EGFR: variants seen among roughly 807,000 people sequenced by gnomAD.
EGFR encodes epidermal growth factor receptor, also known as avian erythroblastic leukemia viral (v-erb-b) oncogene homolog.
EGFR carries 58 observed loss-of-function variants against 143.0 expected under a neutral mutation model. That is an observed-to-expected ratio of 0.41 (90% CI 0.33 to 0.50). The LOEUF is 0.50. Ranked by LOEUF, EGFR falls within the 20% of genes least tolerant of loss-of-function variation. The pLI, the probability that EGFR is intolerant of heterozygous loss-of-function variation, is 0.39. For synonymous variants in EGFR, 613 were observed against 594.4 expected, an observed-to-expected ratio of 1.03 and a Z score of -0.45; for missense variants, 1,307 against 1,579.0, an observed-to-expected ratio of 0.83 and a Z score of 2.92.
rs1787904882 is a variant in EGFR, at chr7:55,202,686, C to G, written c.3271+61C>G. ...ACCTCCTCGACCCACTCAGCAGCAG[C>G]CAGTCTCCAGTGTCCAAGCCAGGTG... On this transcript the variant is annotated intron_variant, in intron 27 of 27. Coordinates refer to ENST00000275493, the MANE Select transcript of EGFR (RefSeq NM_005228.5). 2.7e-6 allele frequency: 4 copies of G among 1,478,406 alleles called. No homozygotes were observed. In the Admixed American group the frequency reaches 7.7e-5, roughly 28 times the overall value. 91.6% of individuals were successfully genotyped at this position (1,478,406 alleles called of 1,614,324 possible).
intron 1 of EGFR, among the ~76,000 whole-genome samples, chr7:55,046,609 TTCTGA>T (rs1429233855): frequency 6.6e-6 from 1 of 151,846 alleles, no homozygotes; most frequent in African/African-American, 2.4e-5. Context: ...AAAAACAGCA[TTCTGA>T]GGTCAAACAT....
intron 7 of EGFR, among the ~76,000 whole-genome samples, chr7:55,155,270 C>T (rs1367493269): frequency 6.6e-6 from 1 of 152,114 alleles, no homozygotes; most frequent in Non-Finnish European, 1.5e-5. Context: ...GGTGAAACCT[C>T]GTCTCTACTA....
intron 15 of EGFR, chr7:55,170,389 T>C (rs2128950580): frequency 6.2e-7 from 1 of 1,614,214 alleles, no homozygotes. Context: ...TGGCAGCGTG[T>C]CCCACCAGAG....
intron 1 of EGFR, among the ~76,000 whole-genome samples, chr7:55,124,689 T>G (rs1279467096): frequency 6.6e-6 from 1 of 152,174 alleles, no homozygotes; most frequent in Non-Finnish European, 1.5e-5. Flanking sequence ...GTGCCCTGAT[T>G]TCCTCTACAG....
At chr7:55,099,881 A>T (rs574423263) in intron 1 of EGFR, among the ~76,000 whole-genome samples, 3 of 152,214 alleles carry the variant, frequency 2.0e-5, no homozygotes, top group Non-Finnish European at 4.4e-5. Flanking sequence ...AAACTTTTTA[A>T]TGGAAAAGGA....
chr7:55,110,649 C>A (rs1258843953), intron 1 of EGFR, among the ~76,000 whole-genome samples: 1 of 152,220 alleles, frequency 6.6e-6, no homozygotes, highest in African/African-American at 2.4e-5. Context: ...AAGCAACTTT[C>A]CAGTCTGTGA....
intron 1 of EGFR, among the ~76,000 whole-genome samples, chr7:55,054,209 G>A (rs749420922): frequency 1.3e-5 from 2 of 152,264 alleles, no homozygotes; most frequent in Non-Finnish European, 2.9e-5. Flanking sequence ...TGCACGCTTC[G>A]CTCCCTCTGA....
At chr7:55,148,343 A>T (rs548012762) in intron 4 of EGFR, among the ~76,000 whole-genome samples, 23 of 152,234 alleles carry the variant, frequency 1.5e-4, no homozygotes, top group African/African-American at 5.5e-4. Flanking sequence ...GGCAGCCCAC[A>T]ATGGCAGGTC....
intron 4 of EGFR, 122 bp downstream of exon 4, chr7:55,146,862 A>C (rs1257817386): frequency 1.4e-5 from 20 of 1,380,408 alleles, no homozygotes; most frequent in Non-Finnish European, 1.9e-5. Context: ...AAAAGTAGTA[A>C]GCAAAATATC....
chr7:55,205,371 C>G lies in EGFR; in HGVS notation c.3387C>G (p.His1129Gln), dbSNP rs1788067537. The stretch of plus-strand genomic sequence containing the variant: ...GAGACCCACACTACCAGGACCCCCA[C>G]AGCACTGCAGTGGGCAACCCCGAGT... ...PSRDPHYQDPHSTAVGNPEYL... is the reference protein window; with the variant it reads ...PSRDPHYQDPQSTAVGNPEYL... The change falls in exon 28 of 28, where the codon CAC becomes CAG. Residue 1129 changes from histidine (H) to glutamine (Q), a missense_variant. His to Gln is a conservative substitution (Grantham distance 24). This residue lies in a region of EGFR where 313 missense variants were observed against 312.3 expected (regional missense o/e 1.00). Coordinates refer to ENST00000275493, the MANE Select transcript of EGFR (RefSeq NM_005228.5). 6.2e-7 allele frequency: 1 copy of G among 1,613,952 alleles called. No individual in the cohort carries two copies. Among genetic ancestry groups the G allele is most frequent in the Non-Finnish European group, 8.5e-7 (1 of 1,179,840 alleles).
In EGFR at chr7:55,199,064, C is replaced by T. The variant is rs2293348; in HGVS notation, c.2848+201C>T. 0.26 allele frequency among the ~76,000 whole-genome samples: 39,159 copies of T among 152,192 alleles called. 5,626 individuals carry two copies. Among genetic ancestry groups the T allele is most frequent in the Admixed American group, 0.37 (5,594 of 15,292 alleles). On this transcript the variant is annotated intron_variant, in intron 23 of 27. Coordinates refer to ENST00000275493, the MANE Select transcript of EGFR (RefSeq NM_005228.5). ...TGACTCATTGGGCAGTATGACCTGA[C>T]ATTTGCCCATGTTTGCAAGCAAATA...
At chr7:55,186,123 G>T (rs891406912) in intron 20 of EGFR, among the ~76,000 whole-genome samples, 1 of 152,194 alleles carries the variant, frequency 6.6e-6, no homozygotes, top group Non-Finnish European at 1.5e-5. Flanking sequence ...TAGGTGCCAG[G>T]TCACGAAAAC....
intron 1 of EGFR, among the ~76,000 whole-genome samples, chr7:55,069,059 C>T (rs1789677485): frequency 1.3e-5 from 2 of 152,178 alleles, no homozygotes; most frequent in Admixed American, 1.3e-4. Context: ...AGTCTTCTTA[C>T]AAAGCAGTTT....
At chr7:55,091,062 A>G (rs2128894792) in intron 1 of EGFR, among the ~76,000 whole-genome samples, 1 of 152,324 alleles carries the variant, frequency 6.6e-6, no homozygotes, top group Admixed American at 6.5e-5. Flanking sequence ...GCTGTCCCTG[A>G]GAGGTACCAG....
chr7:55,172,448 AC>A (rs1388596461), intron 16 of EGFR, among the ~76,000 whole-genome samples: 1 of 151,828 alleles, frequency 6.6e-6, no homozygotes, highest in Non-Finnish European at 1.5e-5. Context: ...TTCCTTTATA[AC>A]CCCTTTCAAG....
intron 1 of EGFR, among the ~76,000 whole-genome samples, chr7:55,106,859 T>TA (rs1644745745): frequency 1.3e-5 from 2 of 152,198 alleles, no homozygotes; most frequent in Admixed American, 1.3e-4. Context: ...GAGATCCTGG[T>TA]AAAAATCTAT....
intron 1 of EGFR, among the ~76,000 whole-genome samples, chr7:55,038,408 G>A (rs1194721566): frequency 6.6e-6 from 1 of 152,196 alleles, no homozygotes; most frequent in Non-Finnish European, 1.5e-5. Context: ...GTGGACTAGT[G>A]AGAAGCCAGG....
intron 13 of EGFR, 52 bp from the exon 14 acceptor site, chr7:55,163,675 GTGTTCC>G: frequency 6.9e-7 from 1 of 1,455,904 alleles, no homozygotes; most frequent in South Asian, 1.1e-5. Context: ...GAGGTGATTT[GTGTTCC>G]TGCAATAATG....
chr7:55,174,008 G>A lies in EGFR; in HGVS notation c.2149G>A (p.Val717Met), dbSNP rs2128953706. The change falls in exon 18 of 28, where the codon GTG (valine) becomes ATG (methionine). Residue 717 changes from valine to methionine, a missense_variant. Physicochemically the swap from Val to Met is conservative, Grantham distance 21. Around this residue, in one of 7 missense-constraint regions of EGFR, gnomAD observed 348 missense variants for 451.5 expected, o/e 0.77. Transcript: ENST00000275493. The part of the protein sequence containing the change: ...LKETEFKKIK[V>M]LGSGAFGTVY... The stretch of plus-strand genomic sequence containing the variant: ...GGAAACTGAATTCAAAAAGATCAAA[G>A]TGCTGGGCTCCGGTGCGTTCGGCAC... 1.9e-6 allele frequency: 3 copies of A among 1,614,258 alleles called. No homozygotes were observed. Among genetic ancestry groups the A allele is most frequent in the Non-Finnish European group, 2.5e-6 (3 of 1,180,048 alleles).
Sources: allele counts gnomAD v4.1 joint callset (sites outside exome capture counted in the v4.1 genomes callset), GRCh38; gene constraint gnomAD v4.1.1; regional missense constraint gnomAD v4.1.1; transcripts MANE v1.5; gene names NCBI Gene and HGNC (gene_info 2026-07-23, HGNC 2026-07-21).